The following SEC63 variants were observed in gnomAD, a reference collection of about 807,000 sequenced individuals.
SEC63 encodes the protein translocation protein SEC63 homolog.
SEC63 carries 56 observed loss-of-function variants against 116.2 expected under a neutral mutation model. That is an observed-to-expected ratio of 0.48 (90% CI 0.39 to 0.60). SEC63 has a LOEUF of 0.60. SEC63 is among the 20% of genes least tolerant of loss of function. The probability of loss-of-function intolerance (pLI) is 0.00; values close to 1 mark genes in which losing one functional copy is unlikely to be tolerated. For missense variants in SEC63, 668 were observed against 900.0 expected, an observed-to-expected ratio of 0.74 and a Z score of 3.30; for synonymous variants, 273 against 294.6, an observed-to-expected ratio of 0.93 and a Z score of 0.75.
intron 5 of SEC63, among the ~76,000 whole-genome samples, 184 bp from the exon 6 acceptor site, chr6:107,912,958 T>C (rs1207899225): frequency 6.6e-6 from 1 of 152,204 alleles, no homozygotes; most frequent in Non-Finnish European, 1.5e-5. Context: ...ATAGTTTATA[T>C]CTGAAACTTC....
chr6:107,956,711 T>C (rs1015851164), intron 1 of SEC63, among the ~76,000 whole-genome samples: 1 of 152,186 alleles, frequency 6.6e-6, no homozygotes, highest in Non-Finnish European at 1.5e-5. Flanking sequence ...AGAATGTTAG[T>C]TTCCTGCAGA....
chr6:107,882,245 T>C (rs1457128447), intron 17 of SEC63, among the ~76,000 whole-genome samples: 2 of 152,144 alleles, frequency 1.3e-5, no homozygotes, highest in Non-Finnish European at 2.9e-5. Context: ...ATTCAGGCAA[T>C]CCCTTTTTAT....
chr6:107,904,752 C>T (rs1459032682), intron 10 of SEC63, 31 bp from the exon 11 acceptor site: 3 of 1,496,658 alleles, frequency 2.0e-6, no homozygotes, highest in African/African-American at 2.8e-5. Context: ...TGAAACAGAT[C>T]ATTTTAATTT....
intron 2 of SEC63, among the ~76,000 whole-genome samples, chr6:107,928,043 A>G (rs960006063): frequency 1.3e-5 from 2 of 152,192 alleles, no homozygotes; most frequent in Non-Finnish European, 1.5e-5. Flanking sequence ...CTGCTTTAGG[A>G]AAATTTAATT....
intron 1 of SEC63, among the ~76,000 whole-genome samples, chr6:107,943,755 T>A (rs967290369): frequency 6.6e-6 from 1 of 151,950 alleles, no homozygotes; most frequent in African/African-American, 2.4e-5. Context: ...AGAGTGTGTT[T>A]CACTGTGTTC....
At position 107,957,762 on chromosome 6, in the gene SEC63, C is replaced by T. The variant is rs1193120829; in HGVS notation, c.124+124G>A. ...GCCAGTGGCGGACGCTGGACACAGG[C>T]CGGGCCGCACCGTCCCTGTCATCCC... On this transcript the variant is annotated intron_variant, in intron 1 of 20. Transcript: ENST00000369002. The T allele has an allele frequency of 6.5e-6, 7 of 1,078,658 alleles. No homozygotes were observed. In the Admixed American group the frequency reaches 3.1e-4, roughly 48 times the overall value. The allele number at this position is 1,078,658 out of a possible 1,614,324, so 66.8% of individuals were successfully genotyped here.
In SEC63 at chr6:107,876,548, G is replaced by A. The variant is rs1479406847; in HGVS notation, c.2034+16C>T. The A allele has an allele frequency of 1.4e-6, 2 of 1,454,868 alleles. No homozygotes were observed. Among genetic ancestry groups the A allele is most frequent in the South Asian group, 1.1e-5 (1 of 87,738 alleles). The allele number at this position is 1,454,868 out of a possible 1,614,324, so 90.1% of individuals were successfully genotyped here. On this transcript the variant is annotated intron_variant, in intron 19 of 20. Transcript: ENST00000369002. The stretch of plus-strand genomic sequence containing the variant: ...GTGCCTTGTTAAACACTGAAATCAT[G>A]TTGCTTGATAGTTACCTCCTCTGTA...
intron 4 of SEC63, among the ~76,000 whole-genome samples, chr6:107,915,876 T>C (rs1014347613): frequency 6.6e-6 from 1 of 152,192 alleles, no homozygotes; most frequent in African/African-American, 2.4e-5. Flanking sequence ...TTACATAATC[T>C]CAAAGTTCTA....
chr6:107,946,524 T>C (rs1770484069), intron 1 of SEC63, among the ~76,000 whole-genome samples: 1 of 152,174 alleles, frequency 6.6e-6, no homozygotes, highest in African/African-American at 2.4e-5. Flanking sequence ...CAGTTATTAA[T>C]CTAATGTTTG....
intron 11 of SEC63, among the ~76,000 whole-genome samples, chr6:107,904,399 G>C (rs1345488091): frequency 6.7e-6 from 1 of 149,086 alleles, no homozygotes; most frequent in African/African-American, 2.5e-5. Context: ...GACAAAGCAA[G>C]ACTCCATCTC....
At chr6:107,904,236 C>T (rs924292936) in intron 11 of SEC63, among the ~76,000 whole-genome samples, 2 of 150,992 alleles carry the variant, frequency 1.3e-5, no homozygotes, top group African/African-American at 4.9e-5. Context: ...ATGGTAAAAC[C>T]CTGTCTCTAC....
Position 107,958,044 on chromosome 6 carries a change from C to T in SEC63, c.-35G>A, listed in dbSNP as rs1262007508. The T allele has an allele frequency of 6.2e-7, 1 of 1,611,748 alleles. No individual in the cohort carries two copies. Among genetic ancestry groups the T allele is most frequent in the Non-Finnish European group, 8.5e-7 (1 of 1,178,904 alleles). On this transcript the variant is annotated 5_prime_UTR_variant, in exon 1 of 21. Transcript: ENST00000369002. Reference sequence around the variant, plus strand: ...TCCTCCGCCTCGCTCTTCTCACCGCCGCCGCCACGACCACGCTCTGCACTC... The same window carrying T: ...TCCTCCGCCTCGCTCTTCTCACCGCTGCCGCCACGACCACGCTCTGCACTC...
At chr6:107,957,272 A>G (rs1420394449) in intron 1 of SEC63, 1 of 152,218 alleles carries the variant, frequency 6.6e-6, no homozygotes, top group African/African-American at 2.4e-5. Context: ...GGAAATAGAA[A>G]AAAGCCTATT....
chr6:107,955,031 C>A (rs1476763035), intron 1 of SEC63, among the ~76,000 whole-genome samples: 2 of 152,188 alleles, frequency 1.3e-5, no homozygotes, highest in African/African-American at 4.8e-5. Context: ...CAAACTGACA[C>A]CCATAATAGT....
chr6:107,894,397 A>T (rs1786765767), intron 14 of SEC63, among the ~76,000 whole-genome samples: 2 of 152,150 alleles, frequency 1.3e-5, no homozygotes, highest in African/African-American at 4.8e-5. Flanking sequence ...TCACAGGTGG[A>T]GCATGGTGGC....
At chr6:107,948,056 G>A (rs913628445) in intron 1 of SEC63, among the ~76,000 whole-genome samples, 7 of 152,074 alleles carry the variant, frequency 4.6e-5, no homozygotes, top group African/African-American at 1.7e-4. Flanking sequence ...CCATGCTTTT[G>A]CATATACTTT....
chr6:107,954,482 C>CAAAAAAAAAAAAAAAAAAAAACAA (rs4028832), intron 1 of SEC63: 1 of 116,864 alleles, frequency 8.6e-6, no homozygotes, highest in African/African-American at 3.4e-5. Context: ...AAAAAAAAAT[C>CAAAAAAAAAAAAAAAAAAAAACAA]AAAAAAAAAA....
intron 16 of SEC63, among the ~76,000 whole-genome samples, chr6:107,884,408 G>A (rs902505941): frequency 5.9e-5 from 9 of 151,838 alleles, no homozygotes; most frequent in East Asian, 3.8e-4. Context: ...AACAAGAGGC[G>A]TAACTATATC....
chr6:107,918,130 A>G (rs1037717936), intron 4 of SEC63, among the ~76,000 whole-genome samples: 16 of 152,076 alleles, frequency 1.1e-4, no homozygotes, highest in Admixed American at 8.5e-4. Context: ...AGCTCTTAAG[A>G]TCTATGCTAA....
Sources: allele counts gnomAD v4.1 joint callset (sites outside exome capture counted in the v4.1 genomes callset), GRCh38; gene constraint gnomAD v4.1.1; transcripts MANE v1.5; gene names NCBI Gene and HGNC (gene_info 2026-07-23, HGNC 2026-07-21).